TEX11: variants seen among roughly 807,000 people sequenced by gnomAD.
TEX11 encodes testis expressed 11.
Under a neutral mutation model 84.4 loss-of-function variants are expected in TEX11, and 7 were observed. The observed-to-expected ratio is 0.08, with a 90% CI of 0.05 to 0.16. The LOEUF (loss-of-function observed/expected upper bound fraction) is 0.16, where lower values mean the gene tolerates loss of function less well. Ranked by LOEUF, TEX11 falls within the 10% of genes least tolerant of loss-of-function variation. The pLI is 1.00. For synonymous variants in TEX11, 264 were observed against 222.8 expected, an observed-to-expected ratio of 1.18 and a Z score of -1.64; for missense variants, 551 against 660.5, an observed-to-expected ratio of 0.83 and a Z score of 1.82.
intron 17 of TEX11, among the ~76,000 whole-genome samples, chrX:70,648,213 T>C (rs2089769572): frequency 9.1e-6 from 1 of 110,486 alleles, no homozygotes; most frequent in African/African-American, 3.3e-5. Flanking sequence ...AATTGAACAA[T>C]GAGAACACTT....
At chrX:70,589,404 G>A (rs1462319695) in intron 25 of TEX11, among the ~76,000 whole-genome samples, 2 of 108,659 alleles carry the variant, frequency 1.8e-5, no homozygotes, top group East Asian at 5.6e-4. Flanking sequence ...TATATATAGA[G>A]AGGCATTTAT....
chrX:70,762,664 C>T (rs914915453), intron 9 of TEX11, among the ~76,000 whole-genome samples: 7 of 111,226 alleles, frequency 6.3e-5, no homozygotes, highest in African/African-American at 2.3e-4. Context: ...CGATCCCCCA[C>T]CGCCGCTCCA....
intron 15 of TEX11, among the ~76,000 whole-genome samples, chrX:70,677,562 T>C (rs2090082958): frequency 8.9e-6 from 1 of 111,837 alleles, no homozygotes; most frequent in South Asian, 3.7e-4. Flanking sequence ...TAATTTTGAA[T>C]AGCTTCTTTG....
Position 70,745,648 on chromosome X carries a change from C to T in TEX11, c.693-1429G>A, listed in dbSNP as rs142319556. 5.0e-3 allele frequency among the ~76,000 whole-genome samples: 564 copies of T among 111,751 alleles called. 4 individuals are homozygous for T. Among genetic ancestry groups the T allele is most frequent in the African/African-American group, 0.017 (532 of 30,836 alleles). On this transcript the variant is annotated intron_variant, in intron 9 of 29. Transcript: ENST00000374333. ...ACTTGGGAGACTGAGGCATGATTAT[C>T]GCTTAAACCTAGGAGGTGGAGGTCG... is the stretch of plus-strand genomic sequence containing the variant.
Position 70,629,517 on chromosome X carries a change from G to A in TEX11, c.1608+94C>T, listed in dbSNP as rs966163819. 5.9e-5 allele frequency: 60 copies of A among 1,017,807 alleles called. No individual in the cohort carries two copies. In the African/African-American group the frequency reaches 7.2e-4, roughly 12 times the overall value. 83.9% of individuals were successfully genotyped at this position (1,017,807 alleles called of 1,213,427 possible). A position where few individuals can be genotyped will look rare whatever the true frequency, so the allele number is the denominator to read the frequency against. ...AATATGAGGCAAAACAAACAGTAAA[G>A]GTCTCTTCTGTGTCTAACTGATAAT... On this transcript the variant is annotated intron_variant, in intron 18 of 29. Coordinates refer to ENST00000374333, the MANE Select transcript of TEX11 (RefSeq NM_031276.3).
At chrX:70,750,349 G>A (rs2090805993) in intron 9 of TEX11, among the ~76,000 whole-genome samples, 1 of 111,697 alleles carries the variant, frequency 9.0e-6, no homozygotes, top group South Asian at 3.8e-4. Context: ...TTCAACCATT[G>A]TGGAAGTCAG....
the TEX11 span, among the ~76,000 whole-genome samples, chrX:70,517,056 G>A: frequency 4.5e-5 from 5 of 111,630 alleles, no homozygotes; most frequent in African/African-American, 1.6e-4. Context: ...ATACAATCAC[G>A]TCATCTGCAA....
intron 16 of TEX11, among the ~76,000 whole-genome samples, chrX:70,653,544 A>T (rs1218251883): frequency 8.9e-6 from 1 of 112,161 alleles, no homozygotes; most frequent in Non-Finnish European, 1.9e-5. Context: ...AACGACATAT[A>T]ATGCTGGCAA....
At chrX:70,564,184 G>A (rs772688043) in intron 25 of TEX11, among the ~76,000 whole-genome samples, 6 of 111,945 alleles carry the variant, frequency 5.4e-5, no homozygotes, top group Non-Finnish European at 7.5e-5. Context: ...AGCTGAGATC[G>A]TGCCACTGCG....
At chrX:70,791,204 A>G (rs2091116290) in intron 9 of TEX11, among the ~76,000 whole-genome samples, 1 of 111,806 alleles carries the variant, frequency 8.9e-6, no homozygotes, top group South Asian at 3.7e-4. Flanking sequence ...AAAAAAAAGC[A>G]GGGGTCACTA....
chrX:70,729,483 A>C (rs2090627296), intron 11 of TEX11, among the ~76,000 whole-genome samples: 1 of 112,331 alleles, frequency 8.9e-6, no homozygotes, highest in African/African-American at 3.2e-5. Flanking sequence ...TGGAGCTGAA[A>C]ACCACAGCAC....
intron 2 of TEX11, among the ~76,000 whole-genome samples, chrX:70,902,936 A>G (rs1240400376): frequency 3.6e-5 from 4 of 112,148 alleles, no homozygotes; most frequent in Non-Finnish European, 7.5e-5. Flanking sequence ...TTTTCTGTTA[A>G]CATTATTAAT....
At chrX:70,804,164 G>C (rs775367131) in intron 9 of TEX11, among the ~76,000 whole-genome samples, 1 of 112,144 alleles carries the variant, frequency 8.9e-6, no homozygotes, top group African/African-American at 3.2e-5. Context: ...CAAACATCAC[G>C]TAGAGATAGT....
rs1363487489 is a variant in TEX11, at chrX:70,778,103, T to C, written c.692+28602A>G. ...AAGAGAGCAGGGTTGGGTATACTTA[T>C]ATCAGAAAAAAATAGAATTTATGTC... On this transcript the variant is annotated intron_variant, in intron 9 of 29. Coordinates refer to ENST00000374333, the MANE Select transcript of TEX11 (RefSeq NM_031276.3). 2.7e-5 allele frequency among the ~76,000 whole-genome samples: 3 copies of C among 111,732 alleles called. 1 individual carries two copies. Among genetic ancestry groups the C allele is most frequent in the African/African-American group, 9.8e-5 (3 of 30,766 alleles).
chrX:70,721,976 A>G (rs2090562992), intron 13 of TEX11, among the ~76,000 whole-genome samples: 2 of 112,168 alleles, frequency 1.8e-5, no homozygotes, highest in African/African-American at 6.5e-5. Flanking sequence ...TGTAACAATC[A>G]GGCTGAAATT....
intron 13 of TEX11, among the ~76,000 whole-genome samples, chrX:70,720,188 C>A (rs1230738049): frequency 3.6e-5 from 4 of 111,407 alleles, no homozygotes; most frequent in Non-Finnish European, 5.6e-5. Context: ...TATTATGCAG[C>A]CATAAAAAGG....
At chrX:70,676,397 T>A (rs2090071862) in intron 15 of TEX11, among the ~76,000 whole-genome samples, 1 of 112,459 alleles carries the variant, frequency 8.9e-6, no homozygotes, top group Non-Finnish European at 1.9e-5. Flanking sequence ...GTTTTAATTT[T>A]CTTTCATTAT....
rs57166359 is a variant in TEX11, at chrX:70,671,910, T to TATATATATAG, written c.1243-1397_1243-1396insCTATATATAT. 1.3e-3 allele frequency among the ~76,000 whole-genome samples: 86 copies of TATATATATAG among 67,970 alleles called. 2 individuals carry two copies. The highest frequency in any genetic ancestry group is 5.9e-3 in the East Asian group (10 of 1,704). The allele number at this position is 67,970 out of a possible 115,157, so 59.0% of individuals were successfully genotyped here. On this transcript the variant is annotated intron_variant, in intron 15 of 29. Transcript: ENST00000374333. ...ATATATATATATATATATATATATA[T>TATATATATAG]ACACACACACATAGCTAAAACCATC...
chrX:70,804,958 T>C (rs1363127035), intron 9 of TEX11, among the ~76,000 whole-genome samples: 1 of 103,381 alleles, frequency 9.7e-6, no homozygotes, highest in East Asian at 3.0e-4. Context: ...AAGCCATCCA[T>C]GGCACCAGCA....
Sources: allele counts gnomAD v4.1 joint callset (sites outside exome capture counted in the v4.1 genomes callset), GRCh38; gene constraint gnomAD v4.1.1; transcripts MANE v1.5; gene names NCBI Gene and HGNC (gene_info 2026-07-23, HGNC 2026-07-21).